Variants in CLEC16A observed in about 807,000 individuals in gnomAD.
CLEC16A encodes the protein protein CLEC16A.
A neutral mutation model predicts 109.5 loss-of-function variants in CLEC16A; 51 were observed. That is an observed-to-expected ratio of 0.47 (90% CI 0.37 to 0.59). The LOEUF (loss-of-function observed/expected upper bound fraction) is 0.59, where lower values mean the gene tolerates loss of function less well. Ranked by LOEUF, CLEC16A falls within the 20% of genes least tolerant of loss-of-function variation. CLEC16A has a pLI of 0.00. For missense variants in CLEC16A, 1,339 were observed against 1,394.0 expected (o/e 0.96, Z 0.63); for synonymous variants, 673 against 564.2 (o/e 1.19, Z -2.73).
At chr16:11,015,082 G>A (rs1326002253) in intron 11 of CLEC16A, among the ~76,000 whole-genome samples, 1 of 152,158 alleles carries the variant, frequency 6.6e-6, no homozygotes, top group African/African-American at 2.4e-5. Context: ...GGTTGTTTCA[G>A]TACCTATAAG....
chr16:11,155,364 G>A (rs542879074), intron 22 of CLEC16A, among the ~76,000 whole-genome samples: 5 of 152,312 alleles, frequency 3.3e-5, no homozygotes, highest in Admixed American at 3.3e-4. Flanking sequence ...CATGCCCAGA[G>A]CCACGGCACT....
intron 22 of CLEC16A, among the ~76,000 whole-genome samples, chr16:11,145,045 G>A (rs954694721): frequency 3.9e-5 from 6 of 152,192 alleles, no homozygotes; most frequent in Non-Finnish European, 1.5e-5. Context: ...GGGGGAATGA[G>A]CGGGCTGTGA....
intron 1 of CLEC16A, among the ~76,000 whole-genome samples, chr16:10,948,280 A>G (rs1001985958): frequency 2.0e-5 from 3 of 152,192 alleles, no homozygotes; most frequent in Non-Finnish European, 4.4e-5. Flanking sequence ...TAGCTTCATT[A>G]TTCTTTGTAA....
chr16:10,985,220 A>AAAAAT (rs1555526163), intron 10 of CLEC16A, among the ~76,000 whole-genome samples: 1 of 104,084 alleles, frequency 9.6e-6, no homozygotes, highest in Admixed American at 1.1e-4. Context: ...AAAAAAAAAA[A>AAAAAT]ATATATATAT....
At chr16:11,171,049 T>G (rs941902377) in intron 23 of CLEC16A, among the ~76,000 whole-genome samples, 1 of 152,208 alleles carries the variant, frequency 6.6e-6, no homozygotes, top group African/African-American at 2.4e-5. Context: ...GGATTCCTTT[T>G]GCCCATCTCC....
intron 1 of CLEC16A, 108 bp from the exon 2 acceptor site, chr16:10,957,674 C>A: frequency 8.7e-7 from 1 of 1,147,604 alleles, no homozygotes; most frequent in Non-Finnish European, 1.3e-6. Context: ...ATTACCCAAA[C>A]CTGAAAAAGC....
chr16:10,969,220 G>T lies in CLEC16A; in HGVS notation c.403G>T (p.Asp135Tyr). 6.2e-7 allele frequency: 1 copy of T among 1,609,788 alleles called. No homozygotes were observed. Among genetic ancestry groups the T allele is most frequent in the East Asian group, 2.2e-5 (1 of 44,820 alleles). ...SIIVHKFDFS[D>Y]EEIMAYYISF... ...CATCGTTCATAAATTTGACTTTTCT[G>T]ATGAGGAGATTATGGCCTATTATAT... Residue 135 changes from aspartate (D) to tyrosine (Y), a missense_variant, in exon 4 of 24, where the codon GAT becomes TAT. Asp to Tyr is a radical substitution (Grantham distance 160, BLOSUM62 -3). Around this residue, in one of 3 missense-constraint regions of CLEC16A, gnomAD observed 161 missense variants for 267.1 expected, o/e 0.60. Coordinates refer to ENST00000409790, the MANE Select transcript of CLEC16A (RefSeq NM_015226.3).
chr16:10,994,844 A>G (rs1255952829), intron 10 of CLEC16A, among the ~76,000 whole-genome samples: 4 of 152,204 alleles, frequency 2.6e-5, no homozygotes, highest in African/African-American at 9.7e-5. Flanking sequence ...TGACGTCGGC[A>G]TGGCCTAGTC....
chr16:11,049,999 G>C (rs745556477), intron 17 of CLEC16A, among the ~76,000 whole-genome samples: 1 of 152,242 alleles, frequency 6.6e-6, no homozygotes, highest in African/African-American at 2.4e-5. Flanking sequence ...GGGTGTCTCA[G>C]TATGTTTTCT....
At chr16:10,962,327 C>A (rs1596762332) in intron 2 of CLEC16A, 128 bp from the exon 3 acceptor site, 1 of 1,026,102 alleles carries the variant, frequency 9.7e-7, no homozygotes, top group East Asian at 2.4e-5. Context: ...CAATGGGTGG[C>A]ATGACCTGTG....
chr16:11,073,457 C>T (rs1036555353), intron 19 of CLEC16A, among the ~76,000 whole-genome samples: 2 of 152,194 alleles, frequency 1.3e-5, no homozygotes, highest in East Asian at 1.9e-4. Context: ...CATTCTACCC[C>T]AGCCCATGGC....
chr16:11,118,097 C>G (rs2052137926), intron 19 of CLEC16A, among the ~76,000 whole-genome samples: 1 of 152,086 alleles, frequency 6.6e-6, no homozygotes, highest in Non-Finnish European at 1.5e-5. Flanking sequence ...GCATCAGCCT[C>G]CTAAGTAGCT....
intron 22 of CLEC16A, among the ~76,000 whole-genome samples, chr16:11,142,542 T>C (rs975837358): frequency 7.9e-5 from 12 of 152,256 alleles, no homozygotes; most frequent in African/African-American, 2.7e-4. Context: ...GCTAGAACTC[T>C]TTTAAAAATC....
intron 10 of CLEC16A, among the ~76,000 whole-genome samples, chr16:10,985,217 A>AT (rs59018679): frequency 0.073 from 9,163 of 126,048 alleles, 316 homozygotes; most frequent in South Asian, 0.15. Context: ...AAAAAAAAAA[A>AT]AAAATATATA....
intron 19 of CLEC16A, among the ~76,000 whole-genome samples, chr16:11,067,072 G>T (rs8061043): frequency 0.19 from 28,133 of 151,402 alleles, 3,294 homozygotes; most frequent in African/African-American, 0.33. Flanking sequence ...CAGAACGAGG[G>T]TAGTCTTTCC....
At chr16:11,141,640 G>A (rs1190544972) in intron 22 of CLEC16A, among the ~76,000 whole-genome samples, 1 of 152,270 alleles carries the variant, frequency 6.6e-6, no homozygotes, top group Non-Finnish European at 1.5e-5. Context: ...TACCGTGTGG[G>A]AAGTGGATTG....
chr16:11,011,132 A>G (rs1301362794), intron 11 of CLEC16A, among the ~76,000 whole-genome samples: 1 of 152,238 alleles, frequency 6.6e-6, no homozygotes, highest in East Asian at 1.9e-4. Context: ...AGCAGTCCAC[A>G]GGGAGACACT....
intron 16 of CLEC16A, among the ~76,000 whole-genome samples, chr16:11,046,057 A>C (rs2047618768): frequency 1.3e-5 from 2 of 151,924 alleles, no homozygotes; most frequent in South Asian, 4.2e-4. Context: ...GTGAGGATAC[A>C]CCCTCACTAG....
chr16:10,997,080 G>C (rs1481554053), intron 10 of CLEC16A, among the ~76,000 whole-genome samples: 1 of 152,158 alleles, frequency 6.6e-6, no homozygotes, highest in East Asian at 1.9e-4. Flanking sequence ...TCCTGCCTCA[G>C]CCTCCCAAGT....
Sources: allele counts gnomAD v4.1 joint callset (sites outside exome capture counted in the v4.1 genomes callset), GRCh38; gene constraint gnomAD v4.1.1; regional missense constraint gnomAD v4.1.1; transcripts MANE v1.5; gene names NCBI Gene and HGNC (gene_info 2026-07-23, HGNC 2026-07-21).